The following PTP4A3 variants were observed in gnomAD, a reference collection of about 807,000 sequenced individuals.
The protein encoded by PTP4A3 is protein tyrosine phosphatase type IVA 3.
Under a neutral mutation model 15.2 loss-of-function variants are expected in PTP4A3, and 9 were observed. The observed-to-expected ratio is 0.59, with a 90% CI of 0.36 to 1.03. The LOEUF is 1.03. PTP4A3 is among the 50% of genes least tolerant of loss of function. The probability of loss-of-function intolerance (pLI) is 0.02; values close to 1 mark genes in which losing one functional copy is unlikely to be tolerated. For missense variants in PTP4A3, 234 were observed against 252.1 expected (o/e 0.93, Z 0.49); for synonymous variants, 95 against 102.0 (o/e 0.93, Z 0.41).
At chr8:141,430,880 C>T (rs368300956) in intron 5 of PTP4A3, 47 bp from the exon 6 acceptor site, 37 of 1,593,294 alleles carry the variant, frequency 2.3e-5, no homozygotes, top group Middle Eastern at 1.7e-4. Flanking sequence ...GTGAGATGGC[C>T]GAGCCAGGTC....
At chr8:141,393,768 G>A (rs2129754298) in intron 1 of PTP4A3, among the ~76,000 whole-genome samples, 1 of 152,334 alleles carries the variant, frequency 6.6e-6, no homozygotes, top group East Asian at 1.9e-4. Context: ...GAGGGTGGCT[G>A]GCTGATGCAG....
chr8:141,398,755 T>C (rs1002316028), intron 1 of PTP4A3, among the ~76,000 whole-genome samples: 1 of 152,044 alleles, frequency 6.6e-6, no homozygotes, highest in African/African-American at 2.4e-5. Context: ...CTTCAGTTGA[T>C]GACGTCATTG....
At chr8:141,413,409 CCGT>C (rs1832920778) in intron 1 of PTP4A3, among the ~76,000 whole-genome samples, 1 of 152,232 alleles carries the variant, frequency 6.6e-6, no homozygotes, top group Admixed American at 6.5e-5. Flanking sequence ...GGCAGCAGGA[CCGT>C]GGGCATGCAG....
chr8:141,422,032 C>A lies in PTP4A3; in HGVS notation c.-209C>A. 1.9e-6 allele frequency: 1 copy of A among 520,798 alleles called. No individual in the cohort carries two copies. The highest frequency in any genetic ancestry group is 3.4e-6 in the Non-Finnish European group (1 of 297,042). 32.3% of individuals were successfully genotyped at this position (520,798 alleles called of 1,614,324 possible). A position where few individuals can be genotyped will look rare whatever the true frequency, so the allele number is the denominator to read the frequency against. ...AGTTGGGTTTTCTTTTTTAATTATCCAAACAGTGGGCAGCTTCCTCCCCCA... is the reference window on the plus strand; with the variant it reads ...AGTTGGGTTTTCTTTTTTAATTATCAAAACAGTGGGCAGCTTCCTCCCCCA... On this transcript the variant is annotated 5_prime_UTR_variant, in exon 2 of 6. Transcript: ENST00000521578.
chr8:141,403,365 G>C (rs1832645482), intron 1 of PTP4A3, among the ~76,000 whole-genome samples: 1 of 152,178 alleles, frequency 6.6e-6, no homozygotes, highest in Non-Finnish European at 1.5e-5. Flanking sequence ...TGGTCTGAGA[G>C]TCCCGAGCCT....
intron 1 of PTP4A3, among the ~76,000 whole-genome samples, chr8:141,394,313 G>T (rs569696446): frequency 6.6e-6 from 1 of 152,066 alleles, no homozygotes; most frequent in Non-Finnish European, 1.5e-5. Context: ...GTGATTTTTC[G>T]CCCCCCAAGA....
At chr8:141,403,140 A>C (rs1832637340) in intron 1 of PTP4A3, among the ~76,000 whole-genome samples, 1 of 152,130 alleles carries the variant, frequency 6.6e-6, no homozygotes, top group Non-Finnish European at 1.5e-5. Flanking sequence ...CCCTGGGCCA[A>C]CCCCAGGATG....
chr8:141,413,654 T>G (rs1459612929), intron 1 of PTP4A3, among the ~76,000 whole-genome samples: 2 of 152,190 alleles, frequency 1.3e-5, no homozygotes, highest in Non-Finnish European at 2.9e-5. Flanking sequence ...GGGCCACGTG[T>G]GCGCATGTGA....
rs530407026 is a variant in PTP4A3 at position 141,425,760 on chromosome 8, C to G, written c.198+620C>G. Among the ~76,000 whole-genome samples, 14 of 152,336 alleles carry G rather than the reference C, an allele frequency of 9.2e-5. No homozygotes were observed. The highest frequency in any genetic ancestry group is 3.1e-4 in the African/African-American group (13 of 41,568). On this transcript the variant is annotated intron_variant, in intron 3 of 5. Coordinates refer to ENST00000521578, the MANE Select transcript of PTP4A3 (RefSeq NM_032611.3). The surrounding 1 kb of genome is among the most constrained non-coding windows in gnomAD (Gnocchi z 4.2). ...CTCAGTCTCCTCAGTGCGGAGCACCCCTCAGTCACTGCTTTTCATCCCAGG... is the reference window on the plus strand; with the variant it reads ...CTCAGTCTCCTCAGTGCGGAGCACCGCTCAGTCACTGCTTTTCATCCCAGG...
In PTP4A3 at chr8:141,422,055, C is replaced by T. The variant is rs1009573685; in HGVS notation, c.-186C>T. The T allele has an allele frequency of 7.3e-6, 4 of 548,206 alleles. No homozygotes were observed. The highest frequency in any genetic ancestry group is 3.2e-5 in the East Asian group (1 of 31,114). The allele number at this position is 548,206 out of a possible 1,614,324, so 34.0% of individuals were successfully genotyped here. ...TCCAAACAGTGGGCAGCTTCCTCCCCCACACCCAAGTATTTGCACAATATT... is the reference window on the plus strand; with the variant it reads ...TCCAAACAGTGGGCAGCTTCCTCCCTCACACCCAAGTATTTGCACAATATT... On this transcript the variant is annotated 5_prime_UTR_variant, in exon 2 of 6. Transcript: ENST00000521578.
chr8:141,407,343 A>T (rs1199568212), intron 1 of PTP4A3, among the ~76,000 whole-genome samples: 1 of 152,122 alleles, frequency 6.6e-6, no homozygotes, highest in Non-Finnish European at 1.5e-5. Context: ...GGGAGAACAG[A>T]AGTTGTGGGT....
rs889694103 is a variant in PTP4A3, at chr8:141,415,161, G to A, written c.-853-6227G>A. Among the ~76,000 whole-genome samples the A allele has an allele frequency of 1.6e-4, 24 of 152,096 alleles. 1 individual carries two copies. The highest frequency in any genetic ancestry group is 1.9e-4 in the Non-Finnish European group (13 of 67,976). On this transcript the variant is annotated intron_variant, in intron 1 of 5. Transcript: ENST00000521578. ...GGAGTGAAGCCGGGGCAGGCTGCAG[G>A]GTCCGGGCCCTTCTGTGTGGGCAGG... is the stretch of plus-strand genomic sequence containing the variant.
chr8:141,393,599 A>G (rs1246601462), intron 1 of PTP4A3, among the ~76,000 whole-genome samples: 2 of 152,206 alleles, frequency 1.3e-5, no homozygotes, highest in East Asian at 3.8e-4. Context: ...ATGGGAGAAA[A>G]TGCAGGCGGG....
In PTP4A3 at chr8:141,422,494, A is replaced by G. The variant is rs572703439; in HGVS notation, c.105+149A>G. 287 of 820,584 alleles carry G rather than the reference A, an allele frequency of 3.5e-4. 2 individuals carry two copies. The African/African-American group carries it at 4.6e-3, about 13-fold the overall frequency. The allele number at this position is 820,584 out of a possible 1,614,324, so 50.8% of individuals were successfully genotyped here. The stretch of plus-strand genomic sequence containing the variant: ...GGAACAAAGCCCAGTCGCCTGTTAC[A>G]GGATCCTGGAGGAGGGAGATGGGGG... On this transcript the variant is annotated intron_variant, in intron 2 of 5. Coordinates refer to ENST00000521578, the MANE Select transcript of PTP4A3 (RefSeq NM_032611.3).
chr8:141,399,397 G>A (rs1832531225), intron 1 of PTP4A3, among the ~76,000 whole-genome samples: 1 of 151,986 alleles, frequency 6.6e-6, no homozygotes, highest in Non-Finnish European at 1.5e-5. Context: ...AGGCCCATCT[G>A]CTGGGAATTG....
chr8:141,404,201 C>T (rs1414183241), intron 1 of PTP4A3, among the ~76,000 whole-genome samples: 3 of 152,384 alleles, frequency 2.0e-5, no homozygotes, highest in East Asian at 3.9e-4. Flanking sequence ...GAAAGGGAAG[C>T]GATTTTTTTT....
rs1377699940 is a variant in PTP4A3, at chr8:141,431,120, C to T, written c.*76C>T. ...GACCTGGAGGCCCTGCCCAGCCCTG[C>T]TCTGCCCAGCCCAGCAGGGGCTCCA... On this transcript the variant is annotated 3_prime_UTR_variant, in exon 6 of 6. Coordinates refer to ENST00000521578, the MANE Select transcript of PTP4A3 (RefSeq NM_032611.3). The T allele has an allele frequency of 7.0e-7, 1 of 1,421,922 alleles. No homozygotes were observed. Among genetic ancestry groups the T allele is most frequent in the Non-Finnish European group, 9.9e-7 (1 of 1,011,712 alleles). 88.1% of individuals were successfully genotyped at this position (1,421,922 alleles called of 1,614,324 possible).
rs540561578 is a variant in PTP4A3, at chr8:141,403,283, G to A, written c.-854+11199G>A. On this transcript the variant is annotated intron_variant, in intron 1 of 5. Coordinates refer to ENST00000521578, the MANE Select transcript of PTP4A3 (RefSeq NM_032611.3). The stretch of plus-strand genomic sequence containing the variant: ...AAGGAGGCTGGGCACCGTGTGTGCC[G>A]TGGCACTGCCCTCCCTGGTGTTGCT... Among the ~76,000 whole-genome samples, 40 of 152,324 alleles carry A rather than the reference G, an allele frequency of 2.6e-4. No homozygotes were observed. In the South Asian group the frequency reaches 7.9e-3, roughly 30 times the overall value.
At position 141,425,562 on chromosome 8, in the gene PTP4A3, T is replaced by A. The variant is rs1465760042; in HGVS notation, c.198+422T>A. ...AGGGCCCTTGGGCAGTTTCCTCGGCTTCTTTGGCCCTGGGGACCCAGGTCT... is the reference window on the plus strand; with the variant it reads ...AGGGCCCTTGGGCAGTTTCCTCGGCATCTTTGGCCCTGGGGACCCAGGTCT... On this transcript the variant is annotated intron_variant, in intron 3 of 5. Transcript: ENST00000521578. The surrounding 1 kb of genome is among the most constrained non-coding windows in gnomAD (Gnocchi z 4.2). Among the ~76,000 whole-genome samples the A allele has an allele frequency of 7.5e-6, 1 of 133,080 alleles. No homozygotes were observed. The highest frequency in any genetic ancestry group is 1.6e-5 in the Non-Finnish European group (1 of 63,274). The allele number at this position is 133,080 out of a possible 152,430, so 87.3% of individuals were successfully genotyped here.
Sources: allele counts gnomAD v4.1 joint callset (sites outside exome capture counted in the v4.1 genomes callset), GRCh38; gene constraint gnomAD v4.1.1; non-coding constraint Gnocchi (gnomAD v3.1); transcripts MANE v1.5; gene names NCBI Gene and HGNC (gene_info 2026-07-23, HGNC 2026-07-21).